Variants in RFX3 observed in about 807,000 individuals in gnomAD.
RFX3 encodes transcription factor RFX3.
Under a neutral mutation model 98.6 loss-of-function variants are expected in RFX3, and 14 were observed. The observed-to-expected ratio is 0.14, with a 90% CI of 0.09 to 0.22. The LOEUF (loss-of-function observed/expected upper bound fraction) is 0.22. Ranked by LOEUF, RFX3 falls within the 10% of genes least tolerant of loss-of-function variation. RFX3 has a pLI of 1.00. For missense variants in RFX3, 639 were observed against 926.9 expected, an observed-to-expected ratio of 0.69 and a Z score of 4.03; for synonymous variants, 383 against 328.4, an observed-to-expected ratio of 1.17 and a Z score of -1.80.
intron 1 of RFX3, among the ~76,000 whole-genome samples, chr9:3,444,243 A>T (rs1360038508): frequency 5.9e-5 from 9 of 152,212 alleles, no homozygotes; most frequent in Non-Finnish European, 1.2e-4. Flanking sequence ...AAAAGGAATG[A>T]ACTACCATTA....
In RFX3 at chr9:3,225,284, C is replaced by T; in HGVS notation, c.2012-4G>A. ...CTTTCTACTTCACTGCCTTCATCTG[C>T]ACAAACAAATAATACCAAGACTATC... On this transcript the variant is annotated splice_region_variant and splice_polypyrimidine_tract_variant and intron_variant, in intron 16 of 16. Transcript: ENST00000617270. The T allele has an allele frequency of 6.2e-7, 1 of 1,612,818 alleles. No homozygotes were observed.
At chr9:3,413,630 C>G (rs1842649272) in intron 1 of RFX3, among the ~76,000 whole-genome samples, 1 of 152,098 alleles carries the variant, frequency 6.6e-6, no homozygotes, top group Admixed American at 6.6e-5. Flanking sequence ...CTGTTTCTTT[C>G]TCCTTGCTCT....
chr9:3,447,883 C>G (rs1439015930), intron 1 of RFX3, among the ~76,000 whole-genome samples: 1 of 152,106 alleles, frequency 6.6e-6, no homozygotes, highest in Non-Finnish European at 1.5e-5. Context: ...CTAAAAGTCC[C>G]TTGTCTGCTT....
intron 1 of RFX3, among the ~76,000 whole-genome samples, chr9:3,426,152 G>T (rs928730129): frequency 3.9e-5 from 6 of 152,050 alleles, no homozygotes; most frequent in African/African-American, 1.4e-4. Flanking sequence ...AAGCACAAAA[G>T]ACAGTTTATT....
At chr9:3,335,259 G>A (rs539579122) in intron 3 of RFX3, among the ~76,000 whole-genome samples, 7 of 152,038 alleles carry the variant, frequency 4.6e-5, no homozygotes, top group Middle Eastern at 3.4e-3. Context: ...AACTCCTAAA[G>A]GTTTTTTCCA....
chr9:3,504,469 T>C lies in RFX3; in HGVS notation c.-9+21278A>G, dbSNP rs997320563. ...AATATATATTATATGCCATATGGTA[T>C]ATATTGTATATAAAATATATATTAT... is the stretch of plus-strand genomic sequence containing the variant. On this transcript the variant is annotated intron_variant, in intron 1 of 16. Transcript: ENST00000617270. Among the ~76,000 whole-genome samples, 2 of 130,840 alleles carry C rather than the reference T, an allele frequency of 1.5e-5. 1 individual carries two copies. The highest frequency in any genetic ancestry group is 5.8e-5 in the African/African-American group (2 of 34,432). 85.8% of individuals were successfully genotyped at this position (130,840 alleles called of 152,430 possible). A position where few individuals can be genotyped will look rare whatever the true frequency, so the allele number is the denominator to read the frequency against.
chr9:3,476,712 T>G (rs1849292397), intron 1 of RFX3, among the ~76,000 whole-genome samples: 1 of 152,228 alleles, frequency 6.6e-6, no homozygotes, highest in South Asian at 2.1e-4. Flanking sequence ...TATTCAGTTG[T>G]GTTTTAAATA....
At chr9:3,477,784 T>G (rs1444411975) in intron 1 of RFX3, among the ~76,000 whole-genome samples, 8 of 152,214 alleles carry the variant, frequency 5.3e-5, no homozygotes, top group Admixed American at 5.2e-4. Flanking sequence ...ATAATGTCCA[T>G]GTTGGCACAA....
chr9:3,394,760 T>C (rs1840683342), intron 2 of RFX3: 2 of 852,844 alleles, frequency 2.3e-6, no homozygotes, highest in African/African-American at 1.8e-5. Flanking sequence ...ATATGACATA[T>C]GATCTTTCTC....
At chr9:3,274,866 A>G (rs1169637539) in intron 9 of RFX3, among the ~76,000 whole-genome samples, 2 of 152,034 alleles carry the variant, frequency 1.3e-5, no homozygotes, top group Non-Finnish European at 2.9e-5. Flanking sequence ...ATAGATATGT[A>G]TATCCATACA....
chr9:3,466,980 C>T (rs1181451278), intron 1 of RFX3, among the ~76,000 whole-genome samples: 3 of 148,174 alleles, frequency 2.0e-5, no homozygotes, highest in Non-Finnish European at 3.0e-5. Context: ...TTTATGCCTA[C>T]TTCCTGGAAA....
chr9:3,366,954 G>C (rs1339653273), intron 2 of RFX3, among the ~76,000 whole-genome samples: 5 of 151,844 alleles, frequency 3.3e-5, no homozygotes, highest in African/African-American at 9.7e-5. Flanking sequence ...TCATATGTGA[G>C]TTATATGCTT....
rs971905603 is a variant in RFX3 at position 3,330,122 on chromosome 9, C to A, written c.474+137G>T. On this transcript the variant is annotated intron_variant, in intron 4 of 16. Transcript: ENST00000617270. The stretch of plus-strand genomic sequence containing the variant: ...ATAATACTACATATACTACATTCTG[C>A]AAACTCTCAATACTAAAACTATCCA... 7 of 851,114 alleles carry A rather than the reference C, an allele frequency of 8.2e-6. No individual in the cohort carries two copies. The African/African-American group carries it at 1.2e-4, about 15-fold the overall frequency. 52.7% of individuals were successfully genotyped at this position (851,114 alleles called of 1,614,324 possible). A position where few individuals can be genotyped will look rare whatever the true frequency, so the allele number is the denominator to read the frequency against.
chr9:3,452,442 A>C (rs901443516), intron 1 of RFX3: 3 of 198,726 alleles, frequency 1.5e-5, no homozygotes, highest in Non-Finnish European at 3.4e-5. Flanking sequence ...TAATAAAAAT[A>C]ATAGCTGGGC....
intron 15 of RFX3, among the ~76,000 whole-genome samples, chr9:3,243,835 A>G (rs755008038): frequency 3.4e-4 from 52 of 152,206 alleles, no homozygotes; most frequent in Non-Finnish European, 6.5e-4. Flanking sequence ...TCCTACTCCA[A>G]TCCTACTCCA....
At chr9:3,507,497 C>T (rs1326778379) in intron 1 of RFX3, among the ~76,000 whole-genome samples, 6 of 151,866 alleles carry the variant, frequency 4.0e-5, no homozygotes, top group Non-Finnish European at 1.5e-5. Context: ...ATCTGCCTAA[C>T]ATTAAACTGC....
At chr9:3,234,577 T>C (rs1818885290) in intron 15 of RFX3, among the ~76,000 whole-genome samples, 1 of 152,148 alleles carries the variant, frequency 6.6e-6, no homozygotes, top group Non-Finnish European at 1.5e-5. Context: ...TGGTCGAGGC[T>C]GCAGTGAACT....
rs944439871 is a variant in RFX3 at position 3,427,369 on chromosome 9, ATTG to A, written c.-8-31776_-8-31774del. On this transcript the variant is annotated intron_variant, in intron 1 of 16. Transcript: ENST00000617270. The stretch of plus-strand genomic sequence containing the variant: ...TACATAATACTATATATAAATATAT[ATTG>A]TTATTATATAATAATACAATATATA... 3.2e-4 allele frequency among the ~76,000 whole-genome samples: 45 copies of A among 139,208 alleles called. No homozygotes were observed. The East Asian group carries it at 3.9e-3, about 12-fold the overall frequency. 91.3% of individuals were successfully genotyped at this position (139,208 alleles called of 152,430 possible). A position where few individuals can be genotyped will look rare whatever the true frequency, so the allele number is the denominator to read the frequency against.
Position 3,333,789 on chromosome 9 carries a change from G to A in RFX3, c.216-3272C>T, listed in dbSNP as rs574859808. On this transcript the variant is annotated intron_variant, in intron 3 of 16. Coordinates refer to ENST00000617270, the MANE Select transcript of RFX3 (RefSeq NM_001282116.2). ...CCTTTCCTTTTCATCATCCAAGCAG[G>A]ATGATTCAGGATGCCCCCTACTAGT... Among the ~76,000 whole-genome samples the A allele has an allele frequency of 2.9e-4, 44 of 152,162 alleles. No individual in the cohort carries two copies. In the East Asian group the frequency reaches 6.0e-3, roughly 21 times the overall value.
Sources: allele counts gnomAD v4.1 joint callset (sites outside exome capture counted in the v4.1 genomes callset), GRCh38; gene constraint gnomAD v4.1.1; transcripts MANE v1.5; gene names NCBI Gene and HGNC (gene_info 2026-07-23, HGNC 2026-07-21).